SLCO1A2: variants seen among roughly 807,000 people sequenced by gnomAD.
The protein encoded by SLCO1A2 is OATP-1.
Under a neutral mutation model 69.0 loss-of-function variants are expected in SLCO1A2, and 67 were observed. That is an observed-to-expected ratio of 0.97 (90% CI 0.80 to 1.19). SLCO1A2 has a LOEUF of 1.19. SLCO1A2 is among the 50% of genes most tolerant of loss of function. The probability of loss-of-function intolerance (pLI) is 0.00; values close to 1 mark genes in which losing one functional copy is unlikely to be tolerated. For synonymous variants in SLCO1A2, 260 were observed against 265.9 expected (o/e 0.98, Z 0.22); for missense variants, 787 against 793.7 (o/e 0.99, Z 0.10).
intron 2 of SLCO1A2, among the ~76,000 whole-genome samples, chr12:21,359,561 T>C (rs1285148780): frequency 6.6e-6 from 1 of 152,076 alleles, no homozygotes; most frequent in African/African-American, 2.4e-5. Flanking sequence ...CAATCAACAT[T>C]GTAGTGTCTC....
At chr12:21,337,078 AACAC>A (rs906049730), upstream of SLCO1A2, among the ~76,000 whole-genome samples, 35 of 152,186 alleles carry the variant, frequency 2.3e-4, no homozygotes, top group African/African-American at 7.5e-4. Flanking sequence ...GATTTTAAAA[AACAC>A]ACAAATAAGA....
chr12:21,274,314 C>CAAAT (rs1943404141), intron 14 of SLCO1A2, 155 bp downstream of exon 14: 1 of 512,840 alleles, frequency 1.9e-6, no homozygotes, highest in Non-Finnish European at 3.5e-6. Context: ...TTCTAGTATG[C>CAAAT]AAATAAGGAA....
At chr12:21,333,841 TA>T (rs1176141433) in intron 2 of SLCO1A2, among the ~76,000 whole-genome samples, 1 of 152,090 alleles carries the variant, frequency 6.6e-6, no homozygotes, top group Non-Finnish European at 1.5e-5. Context: ...CAGGCAAGTC[TA>T]TTTTTTTTAG....
At chr12:21,301,143 A>G in intron 7 of SLCO1A2, 28 bp downstream of exon 7, 1 of 1,460,002 alleles carries the variant, frequency 6.8e-7, no homozygotes, top group Non-Finnish European at 9.6e-7. Flanking sequence ...TAGTCTAGAC[A>G]CTGTACAAAT....
chr12:21,401,221 A>C (rs1416509229), intron 1 of SLCO1A2, among the ~76,000 whole-genome samples: 1 of 151,956 alleles, frequency 6.6e-6, no homozygotes, highest in Non-Finnish European at 1.5e-5. Context: ...CTTGTAAATC[A>C]CAAAAAAGTT....
intron 1 of SLCO1A2, among the ~76,000 whole-genome samples, chr12:21,407,282 G>A (rs569568518): frequency 6.6e-6 from 1 of 152,292 alleles, no homozygotes; most frequent in Admixed American, 6.5e-5. Flanking sequence ...TAGGATGGAA[G>A]GAAACAAGCT....
At chr12:21,416,699 A>G (rs1941995249) in intron 1 of SLCO1A2, among the ~76,000 whole-genome samples, 1 of 152,086 alleles carries the variant, frequency 6.6e-6, no homozygotes, top group Admixed American at 6.6e-5. Context: ...CTACTGATTA[A>G]CACAGGAGTT....
intron 2 of SLCO1A2, chr12:21,319,438 G>C (rs780758083): frequency 2.2e-6 from 3 of 1,367,640 alleles, no homozygotes; most frequent in Non-Finnish European, 2.9e-6. Flanking sequence ...TGCATTCTCA[G>C]CAATGAGGGA....
chr12:21,410,729 G>A (rs374523396), intron 1 of SLCO1A2, among the ~76,000 whole-genome samples: 145 of 152,012 alleles, frequency 9.5e-4, no homozygotes, highest in Non-Finnish European at 1.3e-3. Context: ...GTAATGTGTC[G>A]GTGTTATTTA....
At chr12:21,401,781 A>G (rs1413467710) in intron 1 of SLCO1A2, among the ~76,000 whole-genome samples, 1 of 151,892 alleles carries the variant, frequency 6.6e-6, no homozygotes, top group East Asian at 1.9e-4. Flanking sequence ...TTGGATTACA[A>G]TAACATGTTA....
At chr12:21,351,742 C>T (rs1937975036) in intron 2 of SLCO1A2, among the ~76,000 whole-genome samples, 1 of 150,698 alleles carries the variant, frequency 6.6e-6, no homozygotes, top group Non-Finnish European at 1.5e-5. Flanking sequence ...CACGCCATTG[C>T]ACTCCAGCCT....
intron 14 of SLCO1A2, 88 bp downstream of exon 14, chr12:21,274,381 T>A: frequency 1.3e-6 from 1 of 779,490 alleles, no homozygotes; most frequent in Non-Finnish European, 2.2e-6. Flanking sequence ...TTCTTTTCAC[T>A]TGACAAAGAA....
chr12:21,416,363 C>A (rs1442439498), intron 1 of SLCO1A2, among the ~76,000 whole-genome samples: 1 of 151,472 alleles, frequency 6.6e-6, no homozygotes, highest in Non-Finnish European at 1.5e-5. Context: ...CGGGCACACA[C>A]ACACACACAC....
intron 1 of SLCO1A2, among the ~76,000 whole-genome samples, chr12:21,413,241 T>TTTTC (rs1555133936): frequency 7.8e-6 from 1 of 127,662 alleles, no homozygotes; most frequent in African/African-American, 2.9e-5. Flanking sequence ...CTTTTTCTTT[T>TTTTC]TTTTTTTTTT....
intron 12 of SLCO1A2, among the ~76,000 whole-genome samples, chr12:21,287,694 A>G (rs1946134195): frequency 8.1e-6 from 1 of 123,796 alleles, no homozygotes; most frequent in South Asian, 2.7e-4. Flanking sequence ...AAAAATGATG[A>G]GTTCATGTCC....
At chr12:21,324,066 A>G (rs2136882949) in intron 2 of SLCO1A2, among the ~76,000 whole-genome samples, 1 of 152,348 alleles carries the variant, frequency 6.6e-6, no homozygotes, top group East Asian at 1.9e-4. Context: ...GGAGAGATAA[A>G]TAACATTAAT....
chr12:21,308,011 T>A (rs1165069706), intron 4 of SLCO1A2, among the ~76,000 whole-genome samples: 1 of 152,108 alleles, frequency 6.6e-6, no homozygotes, highest in African/African-American at 2.4e-5. Context: ...CTTTGGCAGG[T>A]GGTAGAAAGA....
chr12:21,419,358 G>A (rs899390927), upstream of SLCO1A2: 1 of 154,712 alleles, frequency 6.5e-6, no homozygotes, highest in African/African-American at 2.4e-5. Context: ...GTCAGTGGGT[G>A]CGTGCACCGT....
At chr12:21,382,321 G>T (rs1940636259) in intron 1 of SLCO1A2, among the ~76,000 whole-genome samples, 1 of 152,086 alleles carries the variant, frequency 6.6e-6, no homozygotes, top group Non-Finnish European at 1.5e-5. Context: ...GGACTTTAGA[G>T]ATTCAGAAGC....
Sources: gnomAD v4.1 joint callset for allele counts (sites outside exome capture counted in the v4.1 genomes callset) on GRCh38, gnomAD v4.1.1 for gene constraint, MANE v1.5 for transcripts, NCBI Gene and HGNC (gene_info 2026-07-23, HGNC 2026-07-21) for gene names.